The following LNPEP variants were observed in gnomAD, a reference collection of about 807,000 sequenced individuals.
The protein encoded by LNPEP is leucyl-cystinyl aminopeptidase.
In LNPEP, 64 loss-of-function variants were observed where a neutral mutation model predicts 120.6. The observed-to-expected ratio is 0.53, with a 90% confidence interval of 0.43 to 0.65. LNPEP has a LOEUF of 0.65. Among genes scored for constraint, LNPEP ranks in the 30% least tolerant of loss-of-function variants. The probability of loss-of-function intolerance (pLI) is 0.00; values close to 1 mark genes in which losing one functional copy is unlikely to be tolerated. For missense variants in LNPEP, 1,057 were observed against 1,200.0 expected, an observed-to-expected ratio of 0.88 and a Z score of 1.76; for synonymous variants, 435 against 425.4, an observed-to-expected ratio of 1.02 and a Z score of -0.28.
intron 13 of LNPEP, among the ~76,000 whole-genome samples, chr5:97,017,850 T>C (rs1582031409): frequency 6.6e-6 from 1 of 152,152 alleles, no homozygotes; most frequent in Non-Finnish European, 1.5e-5. Context: ...CAGAGTAAGG[T>C]TTGCTCCTTC....
intron 2 of LNPEP, among the ~76,000 whole-genome samples, chr5:96,980,997 G>A (rs191709348): frequency 1.8e-4 from 27 of 152,138 alleles, no homozygotes; most frequent in African/African-American, 5.1e-4. Context: ...CAATTCTTGC[G>A]TGAGATCTGG....
chr5:96,948,104 T>C (rs1291424655), intron 1 of LNPEP, among the ~76,000 whole-genome samples: 1 of 151,992 alleles, frequency 6.6e-6, no homozygotes, highest in Non-Finnish European at 1.5e-5. Flanking sequence ...GTGTAAACAT[T>C]TTAATACAAA....
At chr5:97,007,100 G>T (rs1338944853) in intron 11 of LNPEP, among the ~76,000 whole-genome samples, 1 of 152,164 alleles carries the variant, frequency 6.6e-6, no homozygotes, top group African/African-American at 2.4e-5. Flanking sequence ...TGGGCCATTT[G>T]TTAAATACCA....
Position 96,984,988 on chromosome 5 carries a change from G to C in LNPEP, c.861-92G>C, listed in dbSNP as rs138221375. 5.6e-4 allele frequency: 758 copies of C among 1,355,288 alleles called. 6 individuals are homozygous for C. Among genetic ancestry groups the C allele is most frequent in the Admixed American group, 1.8e-4 (9 of 50,418 alleles). The allele number at this position is 1,355,288 out of a possible 1,614,324, so 84.0% of individuals were successfully genotyped here. ...TTTATTGCAGATCCTTTAGTAACTA[G>C]GATTGTAACATATTTATCTTAGTAT... On this transcript the variant is annotated intron_variant, in intron 2 of 17. Transcript: ENST00000231368.
At chr5:97,008,385 C>G (rs1790843610) in intron 11 of LNPEP, among the ~76,000 whole-genome samples, 2 of 94,742 alleles carry the variant, frequency 2.1e-5, no homozygotes, top group South Asian at 3.6e-4. Flanking sequence ...GAGTCTTGCT[C>G]TGTTGCCCAG....
At position 96,995,383 on chromosome 5, in the gene LNPEP, C is replaced by G. The variant is rs148594485; in HGVS notation, c.1408-1007C>G. ...ACTGACCAAATTACATATTTTACAA[C>G]TACTTTTCATTTCAAGGATTTTTTT... On this transcript the variant is annotated intron_variant, in intron 6 of 17. Coordinates refer to ENST00000231368, the MANE Select transcript of LNPEP (RefSeq NM_005575.3). 1.6e-4 allele frequency among the ~76,000 whole-genome samples: 25 copies of G among 152,264 alleles called. 1 individual carries two copies. The highest frequency in any genetic ancestry group is 1.5e-3 in the Admixed American group (23 of 15,288).
intron 8 of LNPEP, among the ~76,000 whole-genome samples, chr5:97,002,976 C>G (rs767776975): frequency 6.6e-6 from 1 of 152,118 alleles, no homozygotes; most frequent in Non-Finnish European, 1.5e-5. Context: ...AGCAGGGAGA[C>G]TTTTGAGAGC....
chr5:96,941,388 G>C (rs1360766109), intron 1 of LNPEP, among the ~76,000 whole-genome samples: 1 of 152,192 alleles, frequency 6.6e-6, no homozygotes, highest in African/African-American at 2.4e-5. Flanking sequence ...CAAACCTACT[G>C]TAGGGGGCTG....
intron 11 of LNPEP, 86 bp from the exon 12 acceptor site, chr5:97,013,559 AAAT>A: frequency 1.4e-5 from 9 of 651,398 alleles, no homozygotes. Flanking sequence ...TTAAATATAA[AAAT>A]AAACTAAAAA....
At chr5:97,016,473 CA>C (rs1292332698) in intron 13 of LNPEP, among the ~76,000 whole-genome samples, 1 of 152,140 alleles carries the variant, frequency 6.6e-6, no homozygotes, top group Non-Finnish European at 1.5e-5. Flanking sequence ...TCTTTAAAGT[CA>C]CTTACCTAGT....
intron 1 of LNPEP, among the ~76,000 whole-genome samples, chr5:96,944,560 C>CTTTTTTTTTTTTT (rs60017687): frequency 7.1e-5 from 4 of 56,376 alleles, no homozygotes; most frequent in Non-Finnish European, 1.0e-4. Flanking sequence ...CTTATTTTTG[C>CTTTTTTTTTTTTT]TTTTTTTTTT....
At chr5:96,957,483 A>C (rs1207967976) in intron 1 of LNPEP, among the ~76,000 whole-genome samples, 1 of 152,166 alleles carries the variant, frequency 6.6e-6, no homozygotes, top group Non-Finnish European at 1.5e-5. Flanking sequence ...CTGACCTTAA[A>C]ATAAAGAGGT....
chr5:96,936,204 G>C, intron 1 of LNPEP, 30 bp downstream of exon 1: 1 of 1,428,506 alleles, frequency 7.0e-7, no homozygotes, highest in Non-Finnish European at 9.2e-7. Flanking sequence ...GCCGGGACCC[G>C]GGCTCTCCGG....
chr5:96,937,049 T>C (rs965444323), intron 1 of LNPEP: 4 of 152,204 alleles, frequency 2.6e-5, no homozygotes, highest in African/African-American at 7.2e-5. Context: ...GTTGAGTGTG[T>C]GGATTCCCTT....
intron 1 of LNPEP, among the ~76,000 whole-genome samples, chr5:96,968,352 C>T (rs953268339): frequency 8.6e-5 from 13 of 152,014 alleles, no homozygotes; most frequent in Admixed American, 3.9e-4. Context: ...TGGATAATCC[C>T]CCAAGTTGGC....
chr5:97,003,472 G>GC lies in LNPEP; in HGVS notation c.1712dup (p.Val572CysfsTer7). The GC allele has an allele frequency of 1.2e-6, 2 of 1,601,704 alleles. No individual in the cohort carries two copies. Among genetic ancestry groups the GC allele is most frequent in the Non-Finnish European group, 1.7e-6 (2 of 1,171,092 alleles). On this transcript the variant is annotated frameshift_variant, in exon 9 of 18. Transcript: ENST00000231368. LOFTEE classifies it high-confidence loss of function. ...CCTTAGTGAAGATGTGTTTCAACATGCTGTTGTCCTTTACCTGCATAATCA... is the reference window on the plus strand; with the variant it reads ...CCTTAGTGAAGATGTGTTTCAACATGCCTGTTGTCCTTTACCTGCATAATCA...
chr5:97,010,217 C>G (rs1033853723), intron 11 of LNPEP: 43 of 905,998 alleles, frequency 4.7e-5, no homozygotes, highest in Non-Finnish European at 5.3e-5. Context: ...TCTTTCTTAT[C>G]CACATTTTAC....
intron 4 of LNPEP, among the ~76,000 whole-genome samples, chr5:96,991,380 A>G (rs1319150662): frequency 6.6e-6 from 1 of 152,188 alleles, no homozygotes; most frequent in African/African-American, 2.4e-5. Flanking sequence ...AGGAATCTCC[A>G]CACTGTTTTC....
intron 8 of LNPEP, among the ~76,000 whole-genome samples, chr5:97,002,205 A>T (rs1307423750): frequency 6.6e-6 from 1 of 152,166 alleles, no homozygotes; most frequent in East Asian, 1.9e-4. Flanking sequence ...CTCAAGAGAA[A>T]ATGGAAAGAG....
Sources: gnomAD v4.1 joint callset for allele counts (sites outside exome capture counted in the v4.1 genomes callset) on GRCh38, gnomAD v4.1.1 for gene constraint, MANE v1.5 for transcripts, NCBI Gene and HGNC (gene_info 2026-07-23, HGNC 2026-07-21) for gene names.